The following ATAD1 variants were observed in gnomAD, a reference collection of about 807,000 sequenced individuals.
The protein encoded by ATAD1 is outer mitochondrial transmembrane helix translocase.
ATAD1 carries 18 observed loss-of-function variants against 42.7 expected under a neutral mutation model. That is an observed-to-expected ratio of 0.42 (90% CI 0.29 to 0.63). ATAD1 has a LOEUF of 0.63. Among genes scored for constraint, ATAD1 ranks in the 20% least tolerant of loss-of-function variants. ATAD1 has a pLI of 0.19. For synonymous variants in ATAD1, 132 were observed against 143.1 expected (o/e 0.92, Z 0.55); for missense variants, 294 against 440.4 (o/e 0.67, Z 2.98).
rs142851858 is a variant in ATAD1, at chr10:87,805,920, C to T, written c.162+8518G>A. Among the ~76,000 whole-genome samples the T allele has an allele frequency of 3.6e-3, 545 of 152,166 alleles. 6 individuals are homozygous for T. The Middle Eastern group carries it at 0.079, about 22-fold the overall frequency. On this transcript the variant is annotated intron_variant, in intron 2 of 9. Coordinates refer to ENST00000680024, the MANE Select transcript of ATAD1 (RefSeq NM_001321967.2). Reference sequence around the variant, plus strand: ...CTTTCTTAGATCATATTCCTCATGACCTCTTCTTCTCCTTGACCATTCTAT... The same window carrying T: ...CTTTCTTAGATCATATTCCTCATGATCTCTTCTTCTCCTTGACCATTCTAT...
intron 6 of ATAD1, among the ~76,000 whole-genome samples, chr10:87,771,864 T>TA (rs1212824560): frequency 1.3e-5 from 2 of 152,200 alleles, no homozygotes; most frequent in African/African-American, 4.8e-5. Context: ...TACTTCAGTA[T>TA]AACCCAGTAA....
At chr10:87,762,433 CA>C (rs1256596436) in intron 8 of ATAD1, among the ~76,000 whole-genome samples, 1 of 151,818 alleles carries the variant, frequency 6.6e-6, no homozygotes, top group Non-Finnish European at 1.5e-5. Context: ...AAAGGTTTAC[CA>C]ATTGTGTTTT....
intron 5 of ATAD1, among the ~76,000 whole-genome samples, chr10:87,783,742 C>A (rs1360617737): frequency 6.6e-6 from 1 of 151,574 alleles, no homozygotes; most frequent in Non-Finnish European, 1.5e-5. Context: ...TCATGACATA[C>A]AGCAAAGGAT....
intron 8 of ATAD1, among the ~76,000 whole-genome samples, chr10:87,759,330 T>A (rs1661720481): frequency 2.0e-5 from 3 of 152,054 alleles, no homozygotes; most frequent in Non-Finnish European, 2.9e-5. Context: ...AAGTGGCCAG[T>A]GGTTGCTTAA....
In ATAD1 at chr10:87,766,599, A is replaced by C. The variant is rs578121198; in HGVS notation, c.831+1074T>G. On this transcript the variant is annotated intron_variant, in intron 8 of 9. Coordinates refer to ENST00000680024, the MANE Select transcript of ATAD1 (RefSeq NM_001321967.2). Reference sequence around the variant, plus strand: ...GGAGTTTGAGACCAGCCGGGCCAACATGGTGAAACCATGGTAAAAATATAT... The same window carrying C: ...GGAGTTTGAGACCAGCCGGGCCAACCTGGTGAAACCATGGTAAAAATATAT... Among the ~76,000 whole-genome samples the C allele has an allele frequency of 8.5e-5, 13 of 152,362 alleles. No homozygotes were observed. In the East Asian group the frequency reaches 2.3e-3, roughly 27 times the overall value.
upstream of ATAD1, among the ~76,000 whole-genome samples, chr10:87,821,951 T>C (rs566241404): frequency 1.3e-5 from 2 of 152,228 alleles, no homozygotes; most frequent in Admixed American, 6.5e-5. Context: ...CTCTACTACC[T>C]TAGCCTAAAA....
intron 8 of ATAD1, among the ~76,000 whole-genome samples, chr10:87,763,080 CAAAAAAAA>C (rs71019501): frequency 7.5e-5 from 2 of 26,530 alleles, no homozygotes; most frequent in African/African-American, 1.2e-4. Context: ...GACTCTGTCA[CAAAAAAAA>C]AAAAAAAAAA....
chr10:87,800,343 T>TA (rs1304346289), intron 2 of ATAD1, among the ~76,000 whole-genome samples: 3 of 152,184 alleles, frequency 2.0e-5, no homozygotes, highest in Non-Finnish European at 4.4e-5. Flanking sequence ...TCTCTCCTTT[T>TA]AAAGGGTGTG....
chr10:87,829,234 A>AT (rs33913276), intron 1 of ATAD1, among the ~76,000 whole-genome samples: 41 of 142,966 alleles, frequency 2.9e-4, no homozygotes, highest in African/African-American at 7.2e-4. Context: ...TATTTTATTT[A>AT]TTATTTATTT....
At chr10:87,769,874 CA>C in intron 7 of ATAD1, among the ~76,000 whole-genome samples, 1 of 151,916 alleles carries the variant, frequency 6.6e-6, no homozygotes, top group Middle Eastern at 3.4e-3. Context: ...ACCTGGGAAG[CA>C]GAGATTGCAG....
chr10:87,817,696 A>T, intron 1 of ATAD1: 1 of 979,266 alleles, frequency 1.0e-6, no homozygotes, highest in Non-Finnish European at 1.2e-6. Flanking sequence ...AGGGCAGGTT[A>T]TTATTAACAT....
Position 87,814,463 on chromosome 10 carries a change from T to C in ATAD1, c.137A>G (p.Lys46Arg). 1 of 1,601,246 alleles carries C rather than the reference T, an allele frequency of 6.2e-7. No homozygotes were observed. Among genetic ancestry groups the C allele is most frequent in the Non-Finnish European group, 8.5e-7 (1 of 1,174,274 alleles). ...CTGTTTCTGAGCTTCTACTTTTTGCTTTCTGGTTGGATCAATTGCATCTAC... is the reference window on the plus strand; with the variant it reads ...CTGTTTCTGAGCTTCTACTTTTTGCCTTCTGGTTGGATCAATTGCATCTAC... ...WMVDAIDPTR[K>R]QKVEAQKQAE... Residue 46 changes from lysine to arginine, a missense_variant, in exon 2 of 10, where the codon AAG becomes AGG. This residue lies in a region of ATAD1 where 121 missense variants were observed against 187.3 expected (regional missense o/e 0.65). Transcript: ENST00000680024.
At chr10:87,767,780 C>A in intron 7 of ATAD1, 57 bp from the exon 8 acceptor site, 2 of 1,487,002 alleles carry the variant, frequency 1.3e-6, no homozygotes, top group South Asian at 2.4e-5. Context: ...TTAAAAAGAT[C>A]AAGTAGTGTT....
intron 6 of ATAD1, among the ~76,000 whole-genome samples, chr10:87,774,631 G>A (rs1855203043): frequency 6.6e-6 from 1 of 152,076 alleles, no homozygotes; most frequent in Admixed American, 6.6e-5. Context: ...CAGAAAGACA[G>A]AAAATATGAA....
intron 8 of ATAD1, among the ~76,000 whole-genome samples, chr10:87,765,250 T>G (rs1312194350): frequency 6.6e-6 from 1 of 152,120 alleles, no homozygotes; most frequent in Non-Finnish European, 1.5e-5. Context: ...GTATCTCTAC[T>G]AAGGTTCATT....
At chr10:87,807,454 G>A (rs74230628) in intron 2 of ATAD1, among the ~76,000 whole-genome samples, 6 of 152,062 alleles carry the variant, frequency 3.9e-5, no homozygotes, top group Non-Finnish European at 7.4e-5. Flanking sequence ...TCTCCAGCAC[G>A]TTATTGACAG....
In ATAD1 at chr10:87,767,671, ACATTTT is replaced by A. The variant is rs1204600459; in HGVS notation, c.827_831+1del. 4 of 1,609,622 alleles carry A rather than the reference ACATTTT, an allele frequency of 2.5e-6. No individual in the cohort carries two copies. The highest frequency in any genetic ancestry group is 3.4e-6 in the Non-Finnish European group (4 of 1,177,834). Reference sequence around the variant, plus strand: ...GGGAAAAAATTTTTATTTTCTACTTACATTTTCATTTTTCAAGATGAGTTTCAGGAT... The same window carrying A: ...GGGAAAAAATTTTTATTTTCTACTTACATTTTTCAAGATGAGTTTCAGGAT... On this transcript the variant is annotated splice_donor_variant and coding_sequence_variant, in exon 8 of 10. Coordinates refer to ENST00000680024, the MANE Select transcript of ATAD1 (RefSeq NM_001321967.2). LOFTEE classifies it high-confidence loss of function.
intron 1 of ATAD1, among the ~76,000 whole-genome samples, chr10:87,816,479 T>C (rs781193401): frequency 3.9e-5 from 6 of 152,196 alleles, no homozygotes; most frequent in Non-Finnish European, 8.8e-5. Context: ...TGAACATCTA[T>C]ATATGACGCC....
intron 2 of ATAD1, among the ~76,000 whole-genome samples, chr10:87,810,249 T>C (rs988604247): frequency 6.6e-6 from 1 of 152,030 alleles, no homozygotes; most frequent in Non-Finnish European, 1.5e-5. Context: ...CAGGAAATGT[T>C]AATAAATACG....
Sources: allele counts gnomAD v4.1 joint callset (sites outside exome capture counted in the v4.1 genomes callset), GRCh38; gene constraint gnomAD v4.1.1; regional missense constraint gnomAD v4.1.1; transcripts MANE v1.5; gene names NCBI Gene and HGNC (gene_info 2026-07-23, HGNC 2026-07-21).